The following SLC25A26 variants were observed in gnomAD, a reference collection of about 807,000 sequenced individuals.
SLC25A26 encodes the protein mitochondrial S-adenosylmethionine carrier protein.
Under a neutral mutation model 37.8 loss-of-function variants are expected in SLC25A26, and 36 were observed. That is an observed-to-expected ratio of 0.95 (90% CI 0.73 to 1.26). The LOEUF (loss-of-function observed/expected upper bound fraction) is 1.26. Ranked by LOEUF, SLC25A26 falls within the 50% of genes most tolerant of loss-of-function variation. The pLI is 0.00. For missense variants in SLC25A26, 390 were observed against 331.1 expected, an observed-to-expected ratio of 1.18 and a Z score of -1.38; for synonymous variants, 129 against 122.5, an observed-to-expected ratio of 1.05 and a Z score of -0.35.
chr3:66,185,126 T>G (rs2070800788), intron 1 of SLC25A26, among the ~76,000 whole-genome samples: 1 of 152,142 alleles, frequency 6.6e-6, no homozygotes, highest in Non-Finnish European at 1.5e-5. Flanking sequence ...CTTTTTTCCT[T>G]TCCCAGACCC....
At chr3:66,172,406 T>TAAATAAAAA (rs1463969929) in intron 1 of SLC25A26, among the ~76,000 whole-genome samples, 1 of 13,712 alleles carries the variant, frequency 7.3e-5, no homozygotes, top group Non-Finnish European at 1.5e-4. Context: ...GTGATACCTG[T>TAAATAAAAA]AAAGAAAAAA....
At position 66,306,015 on chromosome 3, in the gene SLC25A26, C is replaced by T. The variant is rs866809943; in HGVS notation, c.454-40349C>T. ...TTTTCTTTTTTTTGAGATGGAGTCT[C>T]GCTCTGTTGCCTAGGCTGGAGTGCA... On this transcript the variant is annotated intron_variant, in intron 5 of 9. Coordinates refer to ENST00000354883, the MANE Select transcript of SLC25A26 (RefSeq NM_001379210.1). 2.4e-4 allele frequency among the ~76,000 whole-genome samples: 37 copies of T among 151,974 alleles called. 1 individual carries two copies. The Middle Eastern group carries it at 0.017, about 70-fold the overall frequency.
At chr3:66,147,229 T>G (rs1395089694) in intron 1 of SLC25A26, among the ~76,000 whole-genome samples, 1 of 150,874 alleles carries the variant, frequency 6.6e-6, no homozygotes, top group Non-Finnish European at 1.5e-5. Flanking sequence ...AGTGGCATGA[T>G]GTCAGCTCAC....
intron 6 of SLC25A26, among the ~76,000 whole-genome samples, chr3:66,357,459 T>C (rs2076602654): frequency 6.6e-6 from 1 of 152,270 alleles, no homozygotes; most frequent in East Asian, 1.9e-4. Context: ...GGACATTGAA[T>C]TGGGATAAAT....
At chr3:66,145,034 A>G (rs1234358388) in intron 1 of SLC25A26, among the ~76,000 whole-genome samples, 1 of 152,308 alleles carries the variant, frequency 6.6e-6, no homozygotes, top group South Asian at 2.1e-4. Context: ...CAGAGAAATG[A>G]TGCATGCCAG....
intron 4 of SLC25A26, among the ~76,000 whole-genome samples, chr3:66,262,710 A>G (rs1385300996): frequency 6.6e-6 from 1 of 152,168 alleles, no homozygotes; most frequent in African/African-American, 2.4e-5. Flanking sequence ...AAGAGTCTTG[A>G]TTTTAGAAAA....
chr3:66,348,044 G>A (rs138382546), intron 6 of SLC25A26, among the ~76,000 whole-genome samples: 5 of 152,244 alleles, frequency 3.3e-5, no homozygotes, highest in Non-Finnish European at 7.3e-5. Context: ...CTTAGCTGAT[G>A]GGTTGATACA....
At chr3:66,200,740 G>T (rs1331726683) in intron 1 of SLC25A26, among the ~76,000 whole-genome samples, 2 of 152,136 alleles carry the variant, frequency 1.3e-5, no homozygotes, top group Non-Finnish European at 2.9e-5. Flanking sequence ...GGTTTTATAG[G>T]CCACAGAGTT....
At chr3:66,242,919 A>G (rs2072648450) in intron 2 of SLC25A26, among the ~76,000 whole-genome samples, 1 of 152,362 alleles carries the variant, frequency 6.6e-6, no homozygotes, top group East Asian at 1.9e-4. Flanking sequence ...TTAAAAATGT[A>G]TAAGTAATTT....
In SLC25A26 at chr3:66,233,842, A is replaced by G. The variant is rs540052855; in HGVS notation, c.34-2702A>G. 2.0e-5 allele frequency among the ~76,000 whole-genome samples: 3 copies of G among 152,178 alleles called. No homozygotes were observed. In the South Asian group the frequency reaches 6.2e-4, roughly 31 times the overall value. On this transcript the variant is annotated intron_variant, in intron 1 of 9. Transcript: ENST00000354883. The stretch of plus-strand genomic sequence containing the variant: ...GTCATTTTTTTCCTCAGAAGATAAT[A>G]ATTGTGATGAAAGAAGGGTTAGAGA...
intron 5 of SLC25A26, among the ~76,000 whole-genome samples, chr3:66,335,898 T>A (rs1270082680): frequency 1.3e-5 from 2 of 151,654 alleles, no homozygotes; most frequent in Non-Finnish European, 2.9e-5. Flanking sequence ...TTGGTGGTGG[T>A]GGGGAGGGAA....
intron 7 of SLC25A26, among the ~76,000 whole-genome samples, chr3:66,367,746 T>G (rs2076857242): frequency 6.6e-6 from 1 of 151,910 alleles, no homozygotes; most frequent in Admixed American, 6.6e-5. Flanking sequence ...ATAGTGTTCA[T>G]GGATCCTGTT....
At chr3:66,141,762 A>C (rs1267141423) in intron 1 of SLC25A26, among the ~76,000 whole-genome samples, 3 of 152,156 alleles carry the variant, frequency 2.0e-5, no homozygotes, top group Non-Finnish European at 4.4e-5. Flanking sequence ...TGATCTGCCT[A>C]CCTTGGCCTC....
At chr3:66,195,196 G>T (rs1178074516) in intron 1 of SLC25A26, among the ~76,000 whole-genome samples, 1 of 152,170 alleles carries the variant, frequency 6.6e-6, no homozygotes, top group Non-Finnish European at 1.5e-5. Context: ...AGTAGCCTCC[G>T]CCCCATACCC....
chr3:66,312,563 C>G (rs1243721722), intron 5 of SLC25A26, among the ~76,000 whole-genome samples: 1 of 151,148 alleles, frequency 6.6e-6, no homozygotes, highest in Non-Finnish European at 1.5e-5. Flanking sequence ...AAAAAAAAAA[C>G]TCCTGCACCT....
intron 1 of SLC25A26, among the ~76,000 whole-genome samples, chr3:66,159,133 T>C (rs2070322765): frequency 1.3e-5 from 2 of 152,172 alleles, no homozygotes; most frequent in Admixed American, 6.5e-5. Context: ...TGGGCCCGTG[T>C]CCTGCTTTAG....
rs551939880 is a variant in SLC25A26 at position 66,231,094 on chromosome 3, G to C, written c.34-5450G>C. On this transcript the variant is annotated intron_variant, in intron 1 of 9. Coordinates refer to ENST00000354883, the MANE Select transcript of SLC25A26 (RefSeq NM_001379210.1). The stretch of plus-strand genomic sequence containing the variant: ...GGAGGCTGAGTCAGGAGAATCGCTT[G>C]AACCTGGGAGGCAGAGGTTGCATTG... Among the ~76,000 whole-genome samples, 391 of 152,314 alleles carry C rather than the reference G, an allele frequency of 2.6e-3. 1 individual carries two copies. The highest frequency in any genetic ancestry group is 9.2e-3 in the African/African-American group (384 of 41,576).
chr3:66,286,090 A>G (rs974188885), intron 5 of SLC25A26, among the ~76,000 whole-genome samples: 3 of 152,138 alleles, frequency 2.0e-5, no homozygotes, highest in African/African-American at 7.2e-5. Flanking sequence ...AGTTCTTTAT[A>G]TATTTGGAAT....
intron 5 of SLC25A26, among the ~76,000 whole-genome samples, chr3:66,281,996 A>ATTTTTTTTTT (rs71105977): frequency 1.6e-5 from 1 of 64,512 alleles, no homozygotes; most frequent in African/African-American, 7.7e-5. Flanking sequence ...CTGATTTTGC[A>ATTTTTTTTTT]TTTTTTTTTT....
Sources: gnomAD v4.1 joint callset for allele counts (sites outside exome capture counted in the v4.1 genomes callset) on GRCh38, gnomAD v4.1.1 for gene constraint, MANE v1.5 for transcripts, NCBI Gene and HGNC (gene_info 2026-07-23, HGNC 2026-07-21) for gene names.